The following KANK3 variants were observed in gnomAD, a reference collection of about 807,000 sequenced individuals.
KANK3 encodes the protein KN motif and ankyrin repeat domain-containing protein 3.
A neutral mutation model predicts 65.4 loss-of-function variants in KANK3; 61 were observed. The ratio of observed to expected loss-of-function variants is 0.93; its 90% CI spans 0.76 to 1.15. The LOEUF (loss-of-function observed/expected upper bound fraction) is 1.15. Among genes scored for constraint, KANK3 ranks in the 50% most tolerant of loss-of-function variants. The pLI, the probability that KANK3 is intolerant of heterozygous loss-of-function variation, is 0.00. For synonymous variants in KANK3, 586 were observed against 543.3 expected (o/e 1.08, Z -1.09); for missense variants, 1,187 against 1,178.8 (o/e 1.01, Z -0.10).
chr19:8,338,164 G>T (rs1011305320), intron 1 of KANK3, among the ~76,000 whole-genome samples: 1 of 151,690 alleles, frequency 6.6e-6, no homozygotes, highest in Non-Finnish European at 1.5e-5. Context: ...TGGGATTACA[G>T]GTGCCCACCA....
At chr19:8,342,898 G>A (rs1235265932) in intron 1 of KANK3, among the ~76,000 whole-genome samples, 1 of 152,066 alleles carries the variant, frequency 6.6e-6, no homozygotes, top group East Asian at 1.9e-4. Flanking sequence ...AGCCCAGCGC[G>A]AGGGGCTGGC....
In KANK3 at chr19:8,324,447, A is replaced by T. The variant is rs1324880922; in HGVS notation, c.2382+2T>A. ...GTTTGTTTCTTCCAGAGCTGTGCTCACCTGGGTGTCGGGCTGGCCCGAGCT... is the reference window on the plus strand; with the variant it reads ...GTTTGTTTCTTCCAGAGCTGTGCTCTCCTGGGTGTCGGGCTGGCCCGAGCT... On this transcript the variant is annotated splice_donor_variant, in intron 10 of 10. Transcript: ENST00000330915. LOFTEE classifies it high-confidence loss of function. 1.3e-6 allele frequency: 2 copies of T among 1,596,052 alleles called. No homozygotes were observed. Among genetic ancestry groups the T allele is most frequent in the Admixed American group, 1.8e-5 (1 of 56,940 alleles).
At chr19:8,334,201 T>G in intron 4 of KANK3, 85 bp from the exon 5 acceptor site, 2 of 1,511,336 alleles carry the variant, frequency 1.3e-6, no homozygotes, top group Non-Finnish European at 1.8e-6. Context: ...CCGTTCCCAT[T>G]TAACGATGAG....
At chr19:8,329,158 G>A (rs555147075) in intron 7 of KANK3, among the ~76,000 whole-genome samples, 151 of 133,274 alleles carry the variant, frequency 1.1e-3, no homozygotes, top group Non-Finnish European at 1.9e-3. Context: ...GTGACAGAGC[G>A]AGACTCCATC....
Position 8,322,791 on chromosome 19 carries a change from A to G in KANK3, c.*48T>C, listed in dbSNP as rs1021785136. On this transcript the variant is annotated 3_prime_UTR_variant, in exon 11 of 11. Transcript: ENST00000330915. ...TGTGCGCCAAAGGCTGAGGTGACTGACGAGGAGATCTCCCCACAGCTAGGT... is the reference window on the plus strand; with the variant it reads ...TGTGCGCCAAAGGCTGAGGTGACTGGCGAGGAGATCTCCCCACAGCTAGGT... 1 of 1,410,972 alleles carries G rather than the reference A, an allele frequency of 7.1e-7. No individual in the cohort carries two copies. The highest frequency in any genetic ancestry group is 1.4e-5 in the African/African-American group (1 of 71,224). 87.4% of individuals were successfully genotyped at this position (1,410,972 alleles called of 1,614,324 possible). A position where few individuals can be genotyped will look rare whatever the true frequency, so the allele number is the denominator to read the frequency against.
rs1339425087 is a variant in KANK3 at position 8,325,061 on chromosome 19, A to C, written c.1972T>G (p.Tyr658Asp). The change falls in exon 8 of 11, where the codon TAC (tyrosine) becomes GAC (aspartate). Residue 658 changes from tyrosine (Y) to aspartate (D), a missense_variant. Around this residue, in one of 3 missense-constraint regions of KANK3, gnomAD observed 1,078 missense variants for 1,038.2 expected, o/e 1.04. Transcript: ENST00000330915. The part of the protein sequence containing the change: ...CEVNRQNRAG[Y>D]SALMLAALTS... Reference sequence around the variant, plus strand: ...AGTGCAGCCAGCATGAGGGCCGAGTAGCCGGCTCGGTTCTGGCGGTTGACC... The same window carrying C: ...AGTGCAGCCAGCATGAGGGCCGAGTCGCCGGCTCGGTTCTGGCGGTTGACC... The C allele has an allele frequency of 3.1e-6, 5 of 1,613,712 alleles. No individual in the cohort carries two copies. The highest frequency in any genetic ancestry group is 4.2e-6 in the Non-Finnish European group (5 of 1,180,014).
Position 8,333,126 on chromosome 19 carries a change from T to G in KANK3, c.1824A>C (p.Gly608=), listed in dbSNP as rs1302212570. 2 of 1,612,884 alleles carry G rather than the reference T, an allele frequency of 1.2e-6. No individual in the cohort carries two copies. The highest frequency in any genetic ancestry group is 2.7e-5 in the African/African-American group (2 of 74,900). ...ARMLEGVRRL[G]PELLAHVVNL... is the part of the protein sequence containing the mutation. ...TCACCACGTGCGCCAGCAGTTCGGGTCCCAGGCGCCTCACCCCTTCCAGCA... is the reference window on the plus strand; with the variant it reads ...TCACCACGTGCGCCAGCAGTTCGGGGCCCAGGCGCCTCACCCCTTCCAGCA... The change falls in exon 7 of 11, where the codon GGA becomes GGC. Residue 608 remains glycine, a synonymous_variant. Coordinates refer to ENST00000330915, the MANE Select transcript of KANK3 (RefSeq NM_198471.3). This position sits in a 1 kb window ranked among gnomAD's most constrained non-coding sequence, Gnocchi z 5.0.
In KANK3 at chr19:8,333,238, G is replaced by A. The variant is rs1356436656; in HGVS notation, c.1720-8C>T. 2 of 1,603,516 alleles carry A rather than the reference G, an allele frequency of 1.2e-6. No homozygotes were observed. ...CACGAGGCGCACTGCGCCCTGCAAG[G>A]GACAGGGGCCAAGATAACATCGGCG... On this transcript the variant is annotated splice_polypyrimidine_tract_variant and splice_region_variant and intron_variant, in intron 6 of 10. Coordinates refer to ENST00000330915, the MANE Select transcript of KANK3 (RefSeq NM_198471.3). The surrounding 1 kb of genome is among the most constrained non-coding windows in gnomAD (Gnocchi z 5.0).
intron 2 of KANK3, among the ~76,000 whole-genome samples, chr19:8,337,456 C>T (rs1345541529): frequency 6.6e-6 from 1 of 152,122 alleles, no homozygotes; most frequent in Non-Finnish European, 1.5e-5. Context: ...CCGCCTCGGC[C>T]TCCCAAAGTG....
intron 7 of KANK3, among the ~76,000 whole-genome samples, chr19:8,328,545 T>C (rs1422943225): frequency 6.6e-6 from 1 of 151,620 alleles, no homozygotes; most frequent in South Asian, 2.1e-4. Flanking sequence ...GAGAGGGGTA[T>C]GGAGAAGAAT....
At chr19:8,340,819 C>G (rs887315416) in intron 1 of KANK3, among the ~76,000 whole-genome samples, 13 of 152,316 alleles carry the variant, frequency 8.5e-5, no homozygotes, top group African/African-American at 2.9e-4. Context: ...GTTTCCCGTC[C>G]CTTCACACCA....
intron 7 of KANK3, among the ~76,000 whole-genome samples, chr19:8,331,172 G>C (rs892774364): frequency 2.6e-5 from 4 of 151,368 alleles, no homozygotes; most frequent in Non-Finnish European, 5.9e-5. Flanking sequence ...TCCAGCCTGG[G>C]CGACAGAGCA....
At position 8,333,711 on chromosome 19, in the gene KANK3, C is replaced by G; in HGVS notation, c.1719+13G>C. ...CACGCCACTCCCTGGTGCTGCGCTC[C>G]CGGGGCACTCACGCCGTCGCTGGCT... On this transcript the variant is annotated intron_variant, in intron 6 of 10. Transcript: ENST00000330915. The surrounding 1 kb of genome is among the most constrained non-coding windows in gnomAD (Gnocchi z 5.0). 6.9e-7 allele frequency: 1 copy of G among 1,448,860 alleles called. No individual in the cohort carries two copies. Among genetic ancestry groups the G allele is most frequent in the Non-Finnish European group, 9.1e-7 (1 of 1,098,902 alleles). 89.8% of individuals were successfully genotyped at this position (1,448,860 alleles called of 1,614,324 possible). A position where few individuals can be genotyped will look rare whatever the true frequency, so the allele number is the denominator to read the frequency against.
chr19:8,324,712 AT>A lies in KANK3; in HGVS notation c.2200del (p.Met734CysfsTer53). On this transcript the variant is annotated frameshift_variant, in exon 9 of 11. Coordinates refer to ENST00000330915, the MANE Select transcript of KANK3 (RefSeq NM_198471.3). LOFTEE classifies it high-confidence loss of function. ...AQDADGATAL[M>X]CASEYGRLDT... ...CAGGCGCCCATACTCACTGGCACAC[AT>A]CAGCGCTGTGGCCCCATCCGCATCC... 1 of 1,614,044 alleles carries A rather than the reference AT, an allele frequency of 6.2e-7. No individual in the cohort carries two copies. Among genetic ancestry groups the A allele is most frequent in the Non-Finnish European group, 8.5e-7 (1 of 1,180,020 alleles).
At chr19:8,334,137 G>A (rs991623238) in intron 4 of KANK3, 21 bp from the exon 5 acceptor site, 39 of 1,500,492 alleles carry the variant, frequency 2.6e-5, no homozygotes, top group Non-Finnish European at 3.4e-5. Context: ...GGTGGGAGGT[G>A]TCTGCTAAAC....
chr19:8,332,879 C>T (rs891601266), intron 7 of KANK3, 135 bp downstream of exon 7: 26 of 497,196 alleles, frequency 5.2e-5, no homozygotes, highest in Middle Eastern at 5.2e-4. Flanking sequence ...ATAAAATAAA[C>T]TCAAGGAGGA....
chr19:8,334,326 T>G lies in KANK3; in HGVS notation c.1421A>C (p.Asn474Thr), dbSNP rs1358458643. The G allele has an allele frequency of 6.2e-7, 1 of 1,613,952 alleles. No individual in the cohort carries two copies. The highest frequency in any genetic ancestry group is 8.5e-7 in the Non-Finnish European group (1 of 1,180,006). The change falls in exon 4 of 11, where the codon AAC becomes ACC. Residue 474 changes from asparagine to threonine, a missense_variant. Asn to Thr is a moderately conservative substitution (Grantham distance 65, BLOSUM62 0). Around this residue, in one of 3 missense-constraint regions of KANK3, gnomAD observed 1,078 missense variants for 1,038.2 expected, o/e 1.04. Coordinates refer to ENST00000330915, the MANE Select transcript of KANK3 (RefSeq NM_198471.3). ...GGAGGGGAAAGGCGCTCACTCTCCG[T>G]TGAGGACCCCAACAAACTGCAGGCT... ...PKSLQFVGVL[N>T]GEYESSSSED...
At chr19:8,338,221 C>G (rs1970675736) in intron 1 of KANK3, among the ~76,000 whole-genome samples, 1 of 151,726 alleles carries the variant, frequency 6.6e-6, no homozygotes. Context: ...GAGGTTTCAC[C>G]ATGTTGGCCA....
intron 7 of KANK3, among the ~76,000 whole-genome samples, chr19:8,328,939 G>A (rs1048311898): frequency 6.6e-6 from 1 of 152,068 alleles, no homozygotes; most frequent in African/African-American, 2.4e-5. Context: ...GGAGGCTGAG[G>A]TGGGCGGATC....
Sources: gnomAD v4.1 joint callset for allele counts (sites outside exome capture counted in the v4.1 genomes callset) on GRCh38, gnomAD v4.1.1 for gene constraint, gnomAD v4.1.1 regional missense constraint, Gnocchi (gnomAD v3.1) non-coding constraint, MANE v1.5 for transcripts, NCBI Gene and HGNC (gene_info 2026-07-23, HGNC 2026-07-21) for gene names.